HS6ST1: variants seen among roughly 807,000 people sequenced by gnomAD.
HS6ST1 encodes the protein heparan-sulfate 6-O-sulfotransferase 1.
HS6ST1 carries 3 observed loss-of-function variants against 25.2 expected under a neutral mutation model. The ratio of observed to expected loss-of-function variants is 0.12; its 90% CI spans 0.05 to 0.31. The LOEUF is 0.31. HS6ST1 is among the 10% of genes least tolerant of loss of function. HS6ST1 has a pLI of 1.00. For missense variants in HS6ST1, 310 were observed against 609.6 expected, an observed-to-expected ratio of 0.51 and a Z score of 5.18; for synonymous variants, 204 against 275.1, an observed-to-expected ratio of 0.74 and a Z score of 2.56.
chr2:128,312,887 C>T (rs928663352), intron 1 of HS6ST1, among the ~76,000 whole-genome samples: 1 of 152,090 alleles, frequency 6.6e-6, no homozygotes, highest in South Asian at 2.1e-4. Context: ...TGGTGAAACC[C>T]CGTCTTTACT....
Position 128,278,609 on chromosome 2 carries a change from C to T in HS6ST1, c.528-9739G>A, listed in dbSNP as rs939451649. Among the ~76,000 whole-genome samples, 15 of 152,258 alleles carry T rather than the reference C, an allele frequency of 9.9e-5. No homozygotes were observed. In the South Asian group the frequency reaches 1.0e-3, roughly 11 times the overall value. ...ACACAGTGGATGGTCCTGCGGCTCA[C>T]GGAGGGGGAGCTGACAAGTCCTGAA... On this transcript the variant is annotated intron_variant, in intron 1 of 1. Transcript: ENST00000259241.
chr2:128,285,237 G>A (rs1474350843), intron 1 of HS6ST1, among the ~76,000 whole-genome samples: 2 of 152,206 alleles, frequency 1.3e-5, no homozygotes, highest in East Asian at 3.9e-4. Flanking sequence ...CCAGCCAGGG[G>A]TCTGGTGGAG....
At chr2:128,271,576 C>T (rs975970947) in intron 1 of HS6ST1, among the ~76,000 whole-genome samples, 2 of 152,186 alleles carry the variant, frequency 1.3e-5, no homozygotes, top group African/African-American at 4.8e-5. Flanking sequence ...GCGGGGAGCT[C>T]GTGGCCAGGC....
intron 1 of HS6ST1, 126 bp downstream of exon 1, chr2:128,317,911 G>A (rs1275089036): frequency 2.6e-6 from 3 of 1,173,020 alleles, no homozygotes; most frequent in Non-Finnish European, 3.3e-6. Context: ...GGGTGCCGGC[G>A]AGTGGGGGCC....
intron 1 of HS6ST1, among the ~76,000 whole-genome samples, chr2:128,298,109 T>C (rs1694066995): frequency 7.5e-6 from 1 of 133,004 alleles, no homozygotes; most frequent in African/African-American, 3.0e-5. Flanking sequence ...TGCAAATCAA[T>C]ACCACAATGA....
intron 1 of HS6ST1, among the ~76,000 whole-genome samples, chr2:128,274,935 A>T (rs1222246935): frequency 7.3e-6 from 1 of 136,360 alleles, no homozygotes; most frequent in Non-Finnish European, 1.5e-5. Context: ...CTGAGATCGC[A>T]TCTGGGTGAC....
chr2:128,284,369 G>C lies in HS6ST1; in HGVS notation c.528-15499C>G, dbSNP rs529943675. Among the ~76,000 whole-genome samples the C allele has an allele frequency of 9.9e-5, 15 of 152,150 alleles. No homozygotes were observed. In the South Asian group the frequency reaches 2.9e-3, roughly 29 times the overall value. On this transcript the variant is annotated intron_variant, in intron 1 of 1. Coordinates refer to ENST00000259241, the MANE Select transcript of HS6ST1 (RefSeq NM_004807.3). ...TGCCACCTGTCCCCAGTCACACAAG[G>C]CCCCAAGTCTCTGCCATCCCTCCCA...
intron 1 of HS6ST1, among the ~76,000 whole-genome samples, chr2:128,299,086 G>T (rs1441816526): frequency 6.6e-6 from 1 of 152,258 alleles, no homozygotes; most frequent in Non-Finnish European, 1.5e-5. Flanking sequence ...AACACACCTG[G>T]ACGTGGCCCA....
chr2:128,308,295 G>A (rs890592983), intron 1 of HS6ST1, among the ~76,000 whole-genome samples: 2 of 152,182 alleles, frequency 1.3e-5, no homozygotes, highest in South Asian at 2.1e-4. Flanking sequence ...ACTCCACAAG[G>A]CTCCCCAGTT....
intron 1 of HS6ST1, among the ~76,000 whole-genome samples, chr2:128,285,085 G>A (rs1043581201): frequency 4.6e-5 from 7 of 152,228 alleles, no homozygotes; most frequent in Non-Finnish European, 8.8e-5. Flanking sequence ...GAGAACACAC[G>A]CTGATGGAGT....
intron 1 of HS6ST1, among the ~76,000 whole-genome samples, chr2:128,278,504 G>A (rs1693729888): frequency 6.6e-6 from 1 of 152,212 alleles, no homozygotes; most frequent in South Asian, 2.1e-4. Flanking sequence ...AGACATGGCA[G>A]GGCTGCCTCA....
At chr2:128,268,960 G>A in intron 1 of HS6ST1, 90 bp from the exon 2 acceptor site, 1 of 1,124,162 alleles carries the variant, frequency 8.9e-7, no homozygotes, top group Non-Finnish European at 1.3e-6. Flanking sequence ...CCCACTACAG[G>A]AGTTTGGGCT....
Position 128,304,151 on chromosome 2 carries a change from C to T in HS6ST1, c.527+13886G>A, listed in dbSNP as rs115174523. Among the ~76,000 whole-genome samples the T allele has an allele frequency of 8.0e-3, 1,217 of 152,316 alleles. 14 individuals are homozygous for T. The highest frequency in any genetic ancestry group is 0.025 in the African/African-American group (1,040 of 41,562). ...TCTCCAGCTTGCAGATGGCAGATCT[C>T]GGGTCATCTTAGTCTCCCTAATTGC... On this transcript the variant is annotated intron_variant, in intron 1 of 1. Transcript: ENST00000259241.
intron 1 of HS6ST1, among the ~76,000 whole-genome samples, chr2:128,306,771 G>T (rs1694217966): frequency 6.6e-6 from 1 of 152,170 alleles, no homozygotes; most frequent in Non-Finnish European, 1.5e-5. Flanking sequence ...TTCTGAGGGG[G>T]TGCGAAAAGC....
At chr2:128,283,565 C>T (rs1470375269) in intron 1 of HS6ST1, among the ~76,000 whole-genome samples, 3 of 152,198 alleles carry the variant, frequency 2.0e-5, no homozygotes, top group African/African-American at 7.2e-5. Context: ...GTGGTGGCCT[C>T]CAGCAGTGCC....
chr2:128,306,765 G>A (rs762006961), intron 1 of HS6ST1, among the ~76,000 whole-genome samples: 3 of 152,098 alleles, frequency 2.0e-5, no homozygotes, highest in Non-Finnish European at 4.4e-5. Flanking sequence ...GCTCCTTTCT[G>A]AGGGGGTGCG....
rs11554551 is a variant in HS6ST1, at chr2:128,266,285, T to C, written c.*1877A>G. 0.29 allele frequency: 44,679 copies of C among 152,186 alleles called. 7,066 individuals are homozygous for C. Among genetic ancestry groups the C allele is most frequent in the African/African-American group, 0.41 (16,874 of 41,482 alleles). The allele number at this position is 152,186 out of a possible 1,614,324, so 9.4% of individuals were successfully genotyped here. On this transcript the variant is annotated 3_prime_UTR_variant, in exon 2 of 2. Coordinates refer to ENST00000259241, the MANE Select transcript of HS6ST1 (RefSeq NM_004807.3). Reference sequence around the variant, plus strand: ...TCCAAGGAGTGCACCCACCCCCATGTTGAGTGTCCGAGCAGATTCCCATTG... The same window carrying C: ...TCCAAGGAGTGCACCCACCCCCATGCTGAGTGTCCGAGCAGATTCCCATTG...
At chr2:128,278,529 G>A (rs1026322214) in intron 1 of HS6ST1, among the ~76,000 whole-genome samples, 1 of 152,190 alleles carries the variant, frequency 6.6e-6, no homozygotes, top group Admixed American at 6.5e-5. Flanking sequence ...GTGTGCACTG[G>A]AGTGTGAGCT....
At chr2:128,291,745 T>C (rs545323431) in intron 1 of HS6ST1, among the ~76,000 whole-genome samples, 1 of 152,316 alleles carries the variant, frequency 6.6e-6, no homozygotes, top group Non-Finnish European at 1.5e-5. Flanking sequence ...TGGCCCCTCC[T>C]CTTTCCACGG....
Sources: gnomAD v4.1 joint callset for allele counts (sites outside exome capture counted in the v4.1 genomes callset) on GRCh38, gnomAD v4.1.1 for gene constraint, MANE v1.5 for transcripts, NCBI Gene and HGNC (gene_info 2026-07-23, HGNC 2026-07-21) for gene names.